Variants in CCDC171 observed in about 807,000 individuals in gnomAD.
CCDC171 encodes the protein coiled-coil domain containing 171.
A neutral mutation model predicts 168.2 loss-of-function variants in CCDC171; 177 were observed. That is an observed-to-expected ratio of 1.05 (90% CI 0.93 to 1.19). The LOEUF is 1.19. Among genes scored for constraint, CCDC171 ranks in the 50% most tolerant of loss-of-function variants. CCDC171 has a pLI of 0.00. For missense variants in CCDC171, 1,991 were observed against 1,539.0 expected (o/e 1.29, Z -4.91); for synonymous variants, 687 against 540.8 (o/e 1.27, Z -3.75).
intron 23 of CCDC171, among the ~76,000 whole-genome samples, chr9:15,871,089 A>C (rs867648008): frequency 2.0e-5 from 3 of 151,636 alleles, no homozygotes; most frequent in Middle Eastern, 3.2e-3. Context: ...GGAGAAAGTA[A>C]ACTGTTCTTT....
intron 4 of CCDC171, among the ~76,000 whole-genome samples, chr9:15,582,254 G>C (rs276444): frequency 0.54 from 82,325 of 152,012 alleles, 22,682 homozygotes; most frequent in East Asian, 0.85. Context: ...GTTAGAATGG[G>C]GTTCATTAAA....
In CCDC171 at chr9:16,009,018, A is replaced by G. The variant is rs983795985; in HGVS notation, n.369-11571A>G. Among the ~76,000 whole-genome samples the G allele has an allele frequency of 7.1e-4, 108 of 151,866 alleles. 1 individual carries two copies. Among genetic ancestry groups the G allele is most frequent in the African/African-American group, 2.4e-3 (99 of 41,410 alleles). ...AGAAAACCTTTTCTTCCGCAATAAT[A>G]CAATTTGTATTATTATAATTTTATA... is the stretch of plus-strand genomic sequence containing the variant. On this transcript the variant is annotated intron_variant and non_coding_transcript_variant, in intron 3 of 9. Coordinates refer to the CCDC171 transcript ENST00000486641.
intron 6 of CCDC171, among the ~76,000 whole-genome samples, chr9:15,602,653 T>C (rs1199475878): frequency 1.2e-4 from 4 of 32,040 alleles, no homozygotes; most frequent in African/African-American, 2.2e-4. Flanking sequence ...TTTTCTTTTT[T>C]TTTTTTTTTT....
chr9:16,083,107 A>C, the CCDC171 span, among the ~76,000 whole-genome samples: 1 of 152,256 alleles, frequency 6.6e-6, no homozygotes, highest in Non-Finnish European at 1.5e-5. Flanking sequence ...TGTCATTAAA[A>C]GAATGACAAC....
At chr9:15,807,797 C>G (rs1449148980) in intron 21 of CCDC171, among the ~76,000 whole-genome samples, 5 of 151,374 alleles carry the variant, frequency 3.3e-5, no homozygotes, top group Non-Finnish European at 7.4e-5. Context: ...ATCTCAGGCA[C>G]CTAGGTATCT....
chr9:15,656,261 G>A (rs4741529), intron 7 of CCDC171, among the ~76,000 whole-genome samples: 1 of 151,462 alleles, frequency 6.6e-6, no homozygotes, highest in East Asian at 1.9e-4. Context: ...GGTAGAGCTT[G>A]CAGTGAGCCT....
intron 1 of CCDC171, among the ~76,000 whole-genome samples, chr9:16,057,731 C>T (rs1049177427): frequency 2.0e-5 from 3 of 152,144 alleles, no homozygotes; most frequent in African/African-American, 7.2e-5. Flanking sequence ...AGGTAGCAAC[C>T]GTGATTCCAC....
intron 24 of CCDC171, among the ~76,000 whole-genome samples, chr9:15,883,436 G>A (rs1818980437): frequency 6.6e-6 from 1 of 152,042 alleles, no homozygotes; most frequent in African/African-American, 2.4e-5. Flanking sequence ...GCACACTAAG[G>A]TAGTGCCTTC....
chr9:15,646,619 G>C (rs1219837401), intron 7 of CCDC171, among the ~76,000 whole-genome samples: 1 of 146,846 alleles, frequency 6.8e-6, no homozygotes, highest in Non-Finnish European at 1.5e-5. Flanking sequence ...TGATAAAGCT[G>C]ACTTTAAACC....
At chr9:15,641,418 A>G (rs2046594891) in intron 7 of CCDC171, among the ~76,000 whole-genome samples, 1 of 152,134 alleles carries the variant, frequency 6.6e-6, no homozygotes, top group African/African-American at 2.4e-5. Flanking sequence ...ATGTAGTAGA[A>G]ACTGTTTTGT....
intron 9 of CCDC171, among the ~76,000 whole-genome samples, chr9:15,672,062 T>A (rs976824803): frequency 6.6e-6 from 1 of 152,226 alleles, no homozygotes; most frequent in Non-Finnish European, 1.5e-5. Context: ...TGAGATGGTA[T>A]CTCATTGTGG....
At chr9:15,899,574 C>A (rs1310053672) in intron 24 of CCDC171, among the ~76,000 whole-genome samples, 1 of 152,114 alleles carries the variant, frequency 6.6e-6, no homozygotes, top group Non-Finnish European at 1.5e-5. Flanking sequence ...GTTTGCATTT[C>A]CCTAGTGCTT....
At chr9:15,635,897 T>A (rs2132411767) in intron 7 of CCDC171, among the ~76,000 whole-genome samples, 1 of 152,278 alleles carries the variant, frequency 6.6e-6, no homozygotes, top group Non-Finnish European at 1.5e-5. Context: ...CATTTTACAT[T>A]CCCACCAGCA....
intron 11 of CCDC171, among the ~76,000 whole-genome samples, chr9:15,711,792 G>GT (rs578179170): frequency 1.0e-3 from 152 of 152,322 alleles, no homozygotes; most frequent in Middle Eastern, 6.8e-3. Context: ...TTGAATCATT[G>GT]TAAGTTGAGG....
At position 15,591,472 on chromosome 9, in the gene CCDC171, GGAAA is replaced by G. The variant is rs2042003858; in HGVS notation, c.462_465del (p.Arg155ThrfsTer3). On this transcript the variant is annotated frameshift_variant, in exon 5 of 26. Transcript: ENST00000380701. LOFTEE classifies it high-confidence loss of function. ...GCAGAAGATTTGAACATGATTTGGA[GGAAA>G]GAGACAATATGATCCAAAATTGCAA... 1 of 1,607,874 alleles carries G rather than the reference GGAAA, an allele frequency of 6.2e-7. No homozygotes were observed. Among genetic ancestry groups the G allele is most frequent in the Non-Finnish European group, 8.5e-7 (1 of 1,176,420 alleles).
At chr9:15,662,904 CCAGGGGGCGGAGGTTG>C (rs2048427268) in intron 8 of CCDC171, among the ~76,000 whole-genome samples, 2 of 152,102 alleles carry the variant, frequency 1.3e-5, no homozygotes, top group Non-Finnish European at 2.9e-5. Flanking sequence ...TCGCTTGAAT[CCAGGGGGCGGAGGTTG>C]CAGTGAGCTG....
At chr9:16,056,401 G>A (rs1833841298) in intron 1 of CCDC171, among the ~76,000 whole-genome samples, 1 of 152,214 alleles carries the variant, frequency 6.6e-6, no homozygotes, top group Non-Finnish European at 1.5e-5. Flanking sequence ...GTTGTACTAA[G>A]TAATTGTTAA....
intron 25 of CCDC171, among the ~76,000 whole-genome samples, chr9:15,956,171 C>A (rs1829777473): frequency 6.6e-6 from 1 of 152,140 alleles, no homozygotes; most frequent in South Asian, 2.1e-4. Flanking sequence ...GTCACGAAAG[C>A]ACTGCTACTT....
At chr9:15,897,715 G>C (rs1821096915) in intron 24 of CCDC171, among the ~76,000 whole-genome samples, 1 of 152,174 alleles carries the variant, frequency 6.6e-6, no homozygotes, top group Non-Finnish European at 1.5e-5. Context: ...ATAAAAGAGA[G>C]AATATGGATT....
Sources: allele counts gnomAD v4.1 joint callset (sites outside exome capture counted in the v4.1 genomes callset), GRCh38; gene constraint gnomAD v4.1.1; transcripts MANE v1.5; gene names NCBI Gene and HGNC (gene_info 2026-07-23, HGNC 2026-07-21).